VAV2: variants seen among roughly 807,000 people sequenced by gnomAD.
The protein encoded by VAV2 is vav guanine nucleotide exchange factor 2.
Under a neutral mutation model 132.5 loss-of-function variants are expected in VAV2, and 67 were observed. That is an observed-to-expected ratio of 0.51 (90% CI 0.42 to 0.62). The LOEUF (loss-of-function observed/expected upper bound fraction) is 0.62, where lower values mean the gene tolerates loss of function less well. Ranked by LOEUF, VAV2 falls within the 20% of genes least tolerant of loss-of-function variation. VAV2 has a pLI of 0.00. For missense variants in VAV2, 938 were observed against 1,153.6 expected, an observed-to-expected ratio of 0.81 and a Z score of 2.71; for synonymous variants, 492 against 443.5, an observed-to-expected ratio of 1.11 and a Z score of -1.37.
At chr9:133,850,329 G>C (rs926002345) in intron 3 of VAV2, among the ~76,000 whole-genome samples, 3 of 152,200 alleles carry the variant, frequency 2.0e-5, no homozygotes, top group Non-Finnish European at 4.4e-5. Flanking sequence ...AGGTACAGCT[G>C]CAGTGTGTTC....
intron 3 of VAV2, among the ~76,000 whole-genome samples, chr9:133,838,414 G>A (rs985805962): frequency 1.4e-5 from 2 of 143,286 alleles, no homozygotes; most frequent in Admixed American, 1.4e-4. Context: ...TGGCTGAGTG[G>A]GTGCATGGAT....
chr9:133,978,295 G>A (rs974922925), intron 1 of VAV2, among the ~76,000 whole-genome samples: 6 of 152,218 alleles, frequency 3.9e-5, no homozygotes, highest in African/African-American at 1.4e-4. Context: ...GGATCCCCCT[G>A]TGGAAGGATG....
chr9:133,911,080 G>A (rs1034082180), intron 2 of VAV2, among the ~76,000 whole-genome samples: 4 of 152,282 alleles, frequency 2.6e-5, no homozygotes, highest in African/African-American at 9.6e-5. Flanking sequence ...AGCAGGGCCG[G>A]GCACGCCCCT....
Position 133,857,777 on chromosome 9 carries a change from G to A in VAV2, c.380+3597C>T, listed in dbSNP as rs1007775431. Among the ~76,000 whole-genome samples, 8 of 152,156 alleles carry A rather than the reference G, an allele frequency of 5.3e-5. No individual in the cohort carries two copies. The highest frequency in any genetic ancestry group is 2.1e-4 in the South Asian group (1 of 4,830). On this transcript the variant is annotated intron_variant, in intron 3 of 29. Coordinates refer to ENST00000371850, the MANE Select transcript of VAV2 (RefSeq NM_001134398.2). This position sits in a 1 kb window ranked among gnomAD's most constrained non-coding sequence, Gnocchi z 4.0. ...CCTGTCACCTGTCTCCTGAGCTCCC[G>A]GGTGAGCGTGTGAACCAGTGGAGGT...
At chr9:133,983,661 G>A (rs558966156) in intron 1 of VAV2, among the ~76,000 whole-genome samples, 4 of 152,202 alleles carry the variant, frequency 2.6e-5, no homozygotes, top group African/African-American at 7.2e-5. Flanking sequence ...CTTCGCCAAC[G>A]CCAGGCTATG....
At chr9:133,889,935 C>T (rs540023311) in intron 2 of VAV2, among the ~76,000 whole-genome samples, 1 of 152,196 alleles carries the variant, frequency 6.6e-6, no homozygotes, top group African/African-American at 2.4e-5. Context: ...TAATACATGA[C>T]CCCGCAGGGC....
Position 133,883,628 on chromosome 9 carries a change from C to T in VAV2, c.322-22196G>A, listed in dbSNP as rs1421140899. 6.6e-6 allele frequency among the ~76,000 whole-genome samples: 1 copy of T among 152,214 alleles called. No individual in the cohort carries two copies. Among genetic ancestry groups the T allele is most frequent in the Non-Finnish European group, 1.5e-5 (1 of 68,036 alleles). ...GCCCAGCAGCAGGCAGGTTTCAGCT[C>T]GGCCGGAGCAGGCCCTCAGGCACTG... On this transcript the variant is annotated intron_variant, in intron 2 of 29. Transcript: ENST00000371850. This position sits in a 1 kb window ranked among gnomAD's most constrained non-coding sequence, Gnocchi z 4.2.
rs1215063251 is a variant in VAV2, at chr9:133,769,875, C to T, written c.2348-372G>A. 1.3e-5 allele frequency among the ~76,000 whole-genome samples: 2 copies of T among 152,170 alleles called. No homozygotes were observed. The highest frequency in any genetic ancestry group is 1.5e-5 in the Non-Finnish European group (1 of 68,022). ...CTGCAGGACCCTGCAGGCTGGAGGA[C>T]GTGGGGTGACTCTGGAGAGAGTCCT... is the stretch of plus-strand genomic sequence containing the variant. On this transcript the variant is annotated intron_variant, in intron 27 of 29. Coordinates refer to ENST00000371850, the MANE Select transcript of VAV2 (RefSeq NM_001134398.2). The surrounding 1 kb of genome is among the most constrained non-coding windows in gnomAD (Gnocchi z 8.1).
At position 133,770,447 on chromosome 9, in the gene VAV2, C is replaced by A. The variant is rs1283428476; in HGVS notation, c.2278G>T (p.Asp760Tyr). The A allele has an allele frequency of 6.2e-7, 1 of 1,614,008 alleles. No homozygotes were observed. The highest frequency in any genetic ancestry group is 2.2e-5 in the East Asian group (1 of 44,880). The stretch of plus-strand genomic sequence containing the variant: ...TTGTAGGGGTACTTGAGTGTGGTGT[C>A]CAGCTGCTTGAAGCTCTCCTTCAGT... ...HSLKESFKQL[D>Y]TTLKYPYKSR... The change falls in exon 27 of 30, where the codon GAC (aspartate) becomes TAC (tyrosine). Residue 760 changes from aspartate (D) to tyrosine (Y), a missense_variant. By Grantham distance (160) the Asp-to-Tyr change is radical. Coordinates refer to ENST00000371850, the MANE Select transcript of VAV2 (RefSeq NM_001134398.2).
At chr9:133,813,308 A>G (rs558223818) in intron 4 of VAV2, among the ~76,000 whole-genome samples, 10 of 152,232 alleles carry the variant, frequency 6.6e-5, no homozygotes, top group Non-Finnish European at 1.5e-4. Context: ...CATGGCCAGC[A>G]CGCAGGGAGG....
intron 2 of VAV2, among the ~76,000 whole-genome samples, chr9:133,894,454 G>A (rs1385420280): frequency 6.6e-6 from 1 of 152,190 alleles, no homozygotes; most frequent in Non-Finnish European, 1.5e-5. Flanking sequence ...CCCAATAAAG[G>A]TGGAAACCGC....
intron 9 of VAV2, among the ~76,000 whole-genome samples, chr9:133,805,085 G>A (rs888298969): frequency 6.6e-5 from 10 of 152,150 alleles, no homozygotes; most frequent in African/African-American, 1.7e-4. Flanking sequence ...GCCTGTCCCC[G>A]GCTGCCTGGA....
chr9:133,867,669 G>A (rs1419175883), intron 2 of VAV2, among the ~76,000 whole-genome samples: 1 of 152,256 alleles, frequency 6.6e-6, no homozygotes, highest in Admixed American at 6.5e-5. Flanking sequence ...CAAGCCCTGT[G>A]CAGTGCTAGA....
At position 133,884,676 on chromosome 9, in the gene VAV2, C is replaced by CA. The variant is rs375086960; in HGVS notation, c.322-23245dup. Among the ~76,000 whole-genome samples, 383 of 149,862 alleles carry CA rather than the reference C, an allele frequency of 2.6e-3. 1 individual carries two copies. Among genetic ancestry groups the CA allele is most frequent in the African/African-American group, 8.1e-3 (333 of 40,970 alleles). On this transcript the variant is annotated intron_variant, in intron 2 of 29. Transcript: ENST00000371850. The surrounding 1 kb of genome is among the most constrained non-coding windows in gnomAD (Gnocchi z 5.3). ...ATAAGAAGCTTGCTAAAAAGAAAAACAAAAAAAAACACCTCTGGCTTTAAA... is the reference window on the plus strand; with the variant it reads ...ATAAGAAGCTTGCTAAAAAGAAAAACAAAAAAAAAACACCTCTGGCTTTAAA...
chr9:133,854,861 C>T (rs976033600), intron 3 of VAV2, among the ~76,000 whole-genome samples: 3 of 152,226 alleles, frequency 2.0e-5, no homozygotes, highest in African/African-American at 7.2e-5. Flanking sequence ...TGTCCCCTCA[C>T]AGCAGACCCA....
At chr9:133,888,220 C>T (rs1588316728) in intron 2 of VAV2, among the ~76,000 whole-genome samples, 1 of 152,176 alleles carries the variant, frequency 6.6e-6, no homozygotes. Flanking sequence ...CTGGGGTGAG[C>T]GCTGAATGGG....
At chr9:133,933,886 A>ATGGATGGATGGATGGG (rs61119780) in intron 2 of VAV2, among the ~76,000 whole-genome samples, 88,955 of 115,990 alleles carry the variant, frequency 0.77, 35,918 homozygotes, top group Non-Finnish European at 0.9. Flanking sequence ...TGGATGAATG[A>ATGGATGGATGGATGGG]TGGATGGATG....
rs776354775 is a variant in VAV2, at chr9:133,774,926, G to A, written c.2135+9C>T. The A allele has an allele frequency of 2.4e-5, 38 of 1,608,060 alleles. No homozygotes were observed. Among genetic ancestry groups the A allele is most frequent in the African/African-American group, 6.7e-5 (5 of 74,754 alleles). On this transcript the variant is annotated intron_variant, in intron 25 of 29. Transcript: ENST00000371850. ...GATGGGTCTCCTCGAGCCCAGAGCC[G>A]CCACTTACTTGATGCTTATTGCAAA... is the stretch of plus-strand genomic sequence containing the variant.
At chr9:133,970,246 G>A (rs975935460) in intron 1 of VAV2, among the ~76,000 whole-genome samples, 2 of 152,200 alleles carry the variant, frequency 1.3e-5, no homozygotes, top group Non-Finnish European at 2.9e-5. Flanking sequence ...GGAAGGCCTG[G>A]GGAAGGGCCC....
Sources: gnomAD v4.1 joint callset for allele counts (sites outside exome capture counted in the v4.1 genomes callset) on GRCh38, gnomAD v4.1.1 for gene constraint, Gnocchi (gnomAD v3.1) non-coding constraint, MANE v1.5 for transcripts, NCBI Gene and HGNC (gene_info 2026-07-23, HGNC 2026-07-21) for gene names.